The following CDH12 variants were observed in gnomAD, a reference collection of about 807,000 sequenced individuals.
CDH12 encodes the protein cadherin-12.
Under a neutral mutation model 74.1 loss-of-function variants are expected in CDH12, and 41 were observed. The ratio of observed to expected loss-of-function variants is 0.55; its 90% CI spans 0.43 to 0.72. CDH12 has a LOEUF of 0.72. Ranked by LOEUF, CDH12 falls within the 30% of genes least tolerant of loss-of-function variation. The pLI is 0.00. For missense variants in CDH12, 945 were observed against 977.2 expected, an observed-to-expected ratio of 0.97 and a Z score of 0.44; for synonymous variants, 399 against 355.0, an observed-to-expected ratio of 1.12 and a Z score of -1.39.
chr5:22,279,545 GGTCCTGGTGT>G (rs1736787119), intron 3 of CDH12, among the ~76,000 whole-genome samples: 2 of 151,988 alleles, frequency 1.3e-5, no homozygotes, highest in South Asian at 4.2e-4. Context: ...CCGCACAACA[GGTCCTGGTGT>G]GTGATGTTCC....
chr5:22,383,924 T>A (rs2968280), intron 3 of CDH12, among the ~76,000 whole-genome samples: 127,540 of 151,964 alleles, frequency 0.84, 53,597 homozygotes, highest in African/African-American at 0.86. Flanking sequence ...GGGATGAATA[T>A]CCAATGGAGT....
intron 6 of CDH12, among the ~76,000 whole-genome samples, chr5:21,917,684 C>A (rs373547959): frequency 9.2e-5 from 14 of 152,120 alleles, no homozygotes; most frequent in African/African-American, 3.4e-4. Flanking sequence ...AACGTCCTTT[C>A]AATGAAACGC....
chr5:21,990,925 C>A (rs1757716136), intron 5 of CDH12, among the ~76,000 whole-genome samples: 1 of 144,466 alleles, frequency 6.9e-6, no homozygotes, highest in African/African-American at 2.7e-5. Context: ...TAATACAATG[C>A]CATTAACAGA....
rs556161417 is a variant in CDH12, at chr5:22,128,223, A to G, written c.-186-49361T>C. ...ACCAGAAATGATTTGCCCATTGCCA[A>G]TTAGAAGAAGAAAAGGGCAAGGTGG... On this transcript the variant is annotated intron_variant, in intron 4 of 14. Transcript: ENST00000382254. Among the ~76,000 whole-genome samples the G allele has an allele frequency of 8.5e-5, 13 of 152,200 alleles. No individual in the cohort carries two copies. The East Asian group carries it at 2.1e-3, about 25-fold the overall frequency.
chr5:22,081,967 T>C (rs1742761253), intron 4 of CDH12, among the ~76,000 whole-genome samples: 1 of 152,204 alleles, frequency 6.6e-6, no homozygotes, highest in South Asian at 2.1e-4. Flanking sequence ...TCCCCATTTA[T>C]ATGTGAAGAA....
chr5:22,536,848 T>G (rs187082790), intron 1 of CDH12, among the ~76,000 whole-genome samples: 1 of 152,340 alleles, frequency 6.6e-6, no homozygotes, highest in Admixed American at 6.5e-5. Context: ...CTGAATCCAC[T>G]TGACTGCACA....
At chr5:21,776,938 T>C (rs1343767819) in intron 11 of CDH12, among the ~76,000 whole-genome samples, 1 of 152,178 alleles carries the variant, frequency 6.6e-6, no homozygotes, top group African/African-American at 2.4e-5. Flanking sequence ...TGAGAAATTA[T>C]TGATAATGAG....
In CDH12 at chr5:22,124,480, T is replaced by A. The variant is rs1026419666; in HGVS notation, c.-186-45618A>T. Among the ~76,000 whole-genome samples the A allele has an allele frequency of 3.9e-5, 6 of 152,276 alleles. No individual in the cohort carries two copies. The East Asian group carries it at 9.7e-4, about 24-fold the overall frequency. Reference sequence around the variant, plus strand: ...CTGAGGTCTGTGCATGCCCTTGCCATCTCATCCTACTGTTTGTTGTTGTTG... The same window carrying A: ...CTGAGGTCTGTGCATGCCCTTGCCAACTCATCCTACTGTTTGTTGTTGTTG... On this transcript the variant is annotated intron_variant, in intron 4 of 14. Transcript: ENST00000382254.
At chr5:22,455,033 C>T (rs1001605518) in intron 2 of CDH12, among the ~76,000 whole-genome samples, 1 of 152,088 alleles carries the variant, frequency 6.6e-6, no homozygotes, top group East Asian at 1.9e-4. Context: ...GAGAGGTAAA[C>T]AGAGTGAGGA....
intron 8 of CDH12, among the ~76,000 whole-genome samples, chr5:21,825,416 T>A (rs1417590035): frequency 1.3e-5 from 2 of 152,196 alleles, no homozygotes; most frequent in African/African-American, 4.8e-5. Context: ...CATTTTGCTA[T>A]TTTTAAAGAA....
At chr5:22,572,228 G>T (rs1013089195) in intron 1 of CDH12, among the ~76,000 whole-genome samples, 2 of 151,940 alleles carry the variant, frequency 1.3e-5, no homozygotes, top group African/African-American at 2.4e-5. Context: ...GTTGCTGAAA[G>T]GTACCGATAA....
At chr5:22,294,316 T>C (rs1283797398) in intron 3 of CDH12, among the ~76,000 whole-genome samples, 1 of 152,148 alleles carries the variant, frequency 6.6e-6, no homozygotes. Context: ...AAGGGGATGA[T>C]AAATCCAGTT....
chr5:22,802,048 T>C (rs1314848176), intron 1 of CDH12, among the ~76,000 whole-genome samples: 1 of 152,046 alleles, frequency 6.6e-6, no homozygotes, highest in African/African-American at 2.4e-5. Context: ...CCTAAAATTG[T>C]TTCTCCCAAT....
intron 1 of CDH12, among the ~76,000 whole-genome samples, chr5:22,712,591 CTAAT>C (rs1743345767): frequency 6.6e-6 from 1 of 152,096 alleles, no homozygotes; most frequent in Non-Finnish European, 1.5e-5. Context: ...ATGAAAATAA[CTAAT>C]TGTTTTAATT....
At position 22,525,798 on chromosome 5, in the gene CDH12, AC is replaced by A. The variant is rs1737246685; in HGVS notation, c.-522-20435del. 3.9e-5 allele frequency among the ~76,000 whole-genome samples: 6 copies of A among 152,204 alleles called. No individual in the cohort carries two copies. In the South Asian group the frequency reaches 1.2e-3, roughly 32 times the overall value. On this transcript the variant is annotated intron_variant, in intron 1 of 14. Transcript: ENST00000382254. ...GTAGTCCAAGAGCAGACTGTTCAAA[AC>A]CTGGTGTTAAAAATTTACCCAAGGG...
At chr5:22,402,311 A>G (rs180867690) in intron 3 of CDH12, among the ~76,000 whole-genome samples, 2 of 152,342 alleles carry the variant, frequency 1.3e-5, no homozygotes, top group East Asian at 1.9e-4. Flanking sequence ...TTCTTAAAGA[A>G]CACATACTTT....
intron 1 of CDH12, among the ~76,000 whole-genome samples, chr5:22,650,138 G>C (rs1313120719): frequency 6.6e-6 from 1 of 151,932 alleles, no homozygotes; most frequent in Non-Finnish European, 1.5e-5. Flanking sequence ...GGATACATAT[G>C]CCTATATAAC....
intron 1 of CDH12, among the ~76,000 whole-genome samples, chr5:22,544,392 A>G (rs1245333011): frequency 2.0e-5 from 3 of 152,238 alleles, no homozygotes; most frequent in Admixed American, 1.3e-4. Context: ...ATGGTTTTGG[A>G]CCCTCTCACT....
At chr5:22,811,038 T>A (rs989035740) in intron 1 of CDH12, among the ~76,000 whole-genome samples, 2 of 151,156 alleles carry the variant, frequency 1.3e-5, no homozygotes, top group Non-Finnish European at 2.9e-5. Flanking sequence ...CATACATAAA[T>A]ATATACATAC....
Sources: allele counts gnomAD v4.1 joint callset (sites outside exome capture counted in the v4.1 genomes callset), GRCh38; gene constraint gnomAD v4.1.1; transcripts MANE v1.5; gene names NCBI Gene and HGNC (gene_info 2026-07-23, HGNC 2026-07-21).